SEMA3D: variants seen among roughly 807,000 people sequenced by gnomAD.
SEMA3D encodes the protein semaphorin 3D.
SEMA3D carries 84 observed loss-of-function variants against 100.1 expected under a neutral mutation model. The ratio of observed to expected loss-of-function variants is 0.84; its 90% CI spans 0.70 to 1.01. The LOEUF (loss-of-function observed/expected upper bound fraction) is 1.01. Ranked by LOEUF, SEMA3D falls within the 50% of genes least tolerant of loss-of-function variation. The pLI is 0.00. For missense variants in SEMA3D, 875 were observed against 934.1 expected (o/e 0.94, Z 0.82); for synonymous variants, 312 against 320.7 (o/e 0.97, Z 0.29).
chr7:85,188,536 C>T (rs1791624097), upstream of SEMA3D, among the ~76,000 whole-genome samples: 1 of 152,142 alleles, frequency 6.6e-6, no homozygotes, highest in Admixed American at 6.5e-5. Context: ...TATGTCATTG[C>T]ACTTCCATGC....
chr7:85,120,276 G>C (rs1481664530), intron 3 of SEMA3D, among the ~76,000 whole-genome samples: 1 of 152,108 alleles, frequency 6.6e-6, no homozygotes, highest in Non-Finnish European at 1.5e-5. Flanking sequence ...TACCAAAACT[G>C]TTAATGTTCA....
intron 1 of SEMA3D, among the ~76,000 whole-genome samples, chr7:85,177,130 C>A (rs1239979200): frequency 6.6e-6 from 1 of 152,040 alleles, no homozygotes; most frequent in Non-Finnish European, 1.5e-5. Flanking sequence ...GAACATATCC[C>A]TGTCATTAAA....
At chr7:85,071,967 C>T (rs1225153358) in intron 6 of SEMA3D, among the ~76,000 whole-genome samples, 1 of 152,092 alleles carries the variant, frequency 6.6e-6, no homozygotes, top group Non-Finnish European at 1.5e-5. Flanking sequence ...AGATAGACTG[C>T]CTTGATTCAA....
chr7:85,208,302 C>T, the SEMA3D span, among the ~76,000 whole-genome samples: 1 of 151,888 alleles, frequency 6.6e-6, no homozygotes, highest in African/African-American at 2.4e-5. Flanking sequence ...CTGAGATTGA[C>T]AGCAACAAAC....
chr7:85,142,920 C>T (rs1790098825), intron 2 of SEMA3D: 1 of 985,028 alleles, frequency 1.0e-6, no homozygotes, highest in Non-Finnish European at 1.2e-6. Context: ...TCTGGGAATC[C>T]CAAATGCTGA....
At chr7:85,056,941 C>G (rs1299752207) in intron 8 of SEMA3D, among the ~76,000 whole-genome samples, 2 of 144,870 alleles carry the variant, frequency 1.4e-5, no homozygotes, top group African/African-American at 5.1e-5. Context: ...CAGGCAAAGG[C>G]TGGTTATATA....
chr7:85,018,327 TC>T (rs761288796), intron 14 of SEMA3D, 34 bp from the exon 15 acceptor site: 1 of 1,374,658 alleles, frequency 7.3e-7, no homozygotes, highest in Non-Finnish European at 1.0e-6. Context: ...ATAAAGATAA[TC>T]ATTAACAGGT....
At position 85,001,525 on chromosome 7, in the gene SEMA3D, C is replaced by T. The variant is rs78732882; in HGVS notation, c.1909-1660G>A. ...TGACAATCTCAAATTTAATACACTA[C>T]GTATAATTGTTTTTTTCCCTTAGAT... On this transcript the variant is annotated intron_variant, in intron 18 of 18. Coordinates refer to ENST00000284136, the MANE Select transcript of SEMA3D (RefSeq NM_001384900.1). Among the ~76,000 whole-genome samples the T allele has an allele frequency of 1.2e-3, 179 of 152,154 alleles. No homozygotes were observed. The East Asian group carries it at 0.029, about 25-fold the overall frequency.
At chr7:85,239,020 TTAAAA>T in the SEMA3D span, among the ~76,000 whole-genome samples, 179 of 152,300 alleles carry the variant, frequency 1.2e-3, no homozygotes, top group African/African-American at 3.8e-3. Context: ...ATAAATGTAC[TTAAAA>T]TTATTTATTG....
chr7:85,227,738 T>C, the SEMA3D span, among the ~76,000 whole-genome samples: 1 of 152,104 alleles, frequency 6.6e-6, no homozygotes, highest in Non-Finnish European at 1.5e-5. Context: ...AAAACAAATG[T>C]ATGATGAATT....
chr7:85,227,263 T>C, the SEMA3D span, among the ~76,000 whole-genome samples: 2 of 152,158 alleles, frequency 1.3e-5, no homozygotes, highest in African/African-American at 2.4e-5. Flanking sequence ...CATGATGCCA[T>C]GGTCTCAATG....
At chr7:85,100,312 CTTTTT>C (rs61378869) in intron 3 of SEMA3D, among the ~76,000 whole-genome samples, 1 of 142,604 alleles carries the variant, frequency 7.0e-6, no homozygotes, top group East Asian at 2.1e-4. Flanking sequence ...GTTGATTTTT[CTTTTT>C]TTTTTTTTGA....
chr7:85,108,100 A>C (rs1788985107), intron 3 of SEMA3D, among the ~76,000 whole-genome samples: 1 of 152,084 alleles, frequency 6.6e-6, no homozygotes, highest in Admixed American at 6.6e-5. Flanking sequence ...AATAATTTTA[A>C]AATTTTGGTT....
intron 12 of SEMA3D, chr7:85,029,411 C>T (rs1432341214): frequency 2.9e-5 from 24 of 833,494 alleles, no homozygotes; most frequent in Middle Eastern, 3.4e-4. Context: ...ATGAAAGCAA[C>T]TGCTGAAGAT....
chr7:85,240,818 T>G, the SEMA3D span, among the ~76,000 whole-genome samples: 2 of 152,186 alleles, frequency 1.3e-5, no homozygotes, highest in Non-Finnish European at 2.9e-5. Flanking sequence ...CTTAAATGCC[T>G]GTGGGATTTT....
At chr7:85,206,381 G>A in the SEMA3D span, among the ~76,000 whole-genome samples, 1 of 152,074 alleles carries the variant, frequency 6.6e-6, no homozygotes, top group African/African-American at 2.4e-5. Context: ...AGGATGAAGG[G>A]GGGAAATAGA....
At chr7:85,168,617 ATTTTTTTTTTTTT>A in intron 1 of SEMA3D, among the ~76,000 whole-genome samples, 1 of 135,350 alleles carries the variant, frequency 7.4e-6, no homozygotes, top group East Asian at 2.1e-4. Context: ...GGTTTCTGCA[ATTTTTTTTTTTTT>A]TTTTTTTTTA....
chr7:85,188,320 T>G (rs1259921799), upstream of SEMA3D, among the ~76,000 whole-genome samples: 1 of 152,194 alleles, frequency 6.6e-6, no homozygotes, highest in African/African-American at 2.4e-5. Context: ...TCTATAACCT[T>G]GGTTTGGACT....
chr7:85,244,004 T>A, the SEMA3D span, among the ~76,000 whole-genome samples: 50 of 152,314 alleles, frequency 3.3e-4, no homozygotes, highest in African/African-American at 1.1e-3. Context: ...GTATCTGATA[T>A]ACTCAATGTA....
Sources: allele counts gnomAD v4.1 joint callset (sites outside exome capture counted in the v4.1 genomes callset), GRCh38; gene constraint gnomAD v4.1.1; transcripts MANE v1.5; gene names NCBI Gene and HGNC (gene_info 2026-07-23, HGNC 2026-07-21).